ZNRF2: variants seen among roughly 807,000 people sequenced by gnomAD.
ZNRF2 encodes E3 ubiquitin-protein ligase ZNRF2.
A neutral mutation model predicts 20.4 loss-of-function variants in ZNRF2; 16 were observed. The ratio of observed to expected loss-of-function variants is 0.79; its 90% confidence interval spans 0.53 to 1.19. The LOEUF (loss-of-function observed/expected upper bound fraction) is 1.19, where lower values mean the gene tolerates loss of function less well. Among genes scored for constraint, ZNRF2 ranks in the 50% most tolerant of loss-of-function variants. The pLI is 0.00. For missense variants in ZNRF2, 363 were observed against 332.4 expected (o/e 1.09, Z -0.72); for synonymous variants, 178 against 144.9 (o/e 1.23, Z -1.64).
intron 2 of ZNRF2, among the ~76,000 whole-genome samples, chr7:30,329,878 C>T (rs1031302890): frequency 1.3e-5 from 2 of 152,198 alleles, no homozygotes; most frequent in African/African-American, 4.8e-5. Context: ...TGAGGAACCT[C>T]TGTACTGTTC....
At position 30,311,182 on chromosome 7, in the gene ZNRF2, A is replaced by T. The variant is rs532358118; in HGVS notation, c.470-12460A>T. On this transcript the variant is annotated intron_variant, in intron 1 of 4. Coordinates refer to ENST00000323037, the MANE Select transcript of ZNRF2 (RefSeq NM_147128.4). ...CTGGGTCTTGTTTTTGGCCTCTTGA[A>T]CTTGGTGCCATTCCCCTTGGAGTCA... 1.8e-4 allele frequency among the ~76,000 whole-genome samples: 27 copies of T among 152,192 alleles called. No individual in the cohort carries two copies. In the South Asian group the frequency reaches 5.4e-3, roughly 30 times the overall value.
At chr7:30,346,327 A>G (rs1297996661) in intron 2 of ZNRF2, among the ~76,000 whole-genome samples, 1 of 151,010 alleles carries the variant, frequency 6.6e-6, no homozygotes, top group African/African-American at 2.4e-5. Flanking sequence ...CTGAGTAGCT[A>G]GGATTACAAG....
chr7:30,313,389 C>T (rs1188482730), intron 1 of ZNRF2, among the ~76,000 whole-genome samples: 1 of 152,052 alleles, frequency 6.6e-6, no homozygotes, highest in Non-Finnish European at 1.5e-5. Flanking sequence ...TTACATGTGG[C>T]CTCATAGGCT....
chr7:30,300,148 CTTTTTTTTTT>C (rs11312967), intron 1 of ZNRF2, among the ~76,000 whole-genome samples: 1 of 113,024 alleles, frequency 8.8e-6, no homozygotes, highest in Non-Finnish European at 1.8e-5. Context: ...GAATACAAGT[CTTTTTTTTTT>C]TTTTTTTTTG....
chr7:30,352,205 A>G (rs1229909234), intron 2 of ZNRF2, among the ~76,000 whole-genome samples: 1 of 151,994 alleles, frequency 6.6e-6, no homozygotes, highest in Non-Finnish European at 1.5e-5. Context: ...TGAGAATGGA[A>G]ATTCATATTA....
intron 2 of ZNRF2, among the ~76,000 whole-genome samples, chr7:30,333,363 CT>C (rs1250477674): frequency 0.018 from 2,295 of 130,534 alleles, 21 homozygotes; most frequent in South Asian, 0.04. Flanking sequence ...CATATTTTGA[CT>C]TTTTTTTTTT....
chr7:30,336,402 G>C (rs1212599956), intron 2 of ZNRF2, among the ~76,000 whole-genome samples: 1 of 151,894 alleles, frequency 6.6e-6, no homozygotes, highest in African/African-American at 2.4e-5. Flanking sequence ...TTTGGTTTCA[G>C]GGAGGGCAAT....
chr7:30,324,350 A>G (rs1206632491), intron 2 of ZNRF2, among the ~76,000 whole-genome samples: 2 of 151,494 alleles, frequency 1.3e-5, no homozygotes, highest in African/African-American at 4.9e-5. Flanking sequence ...CCTGGCCAAC[A>G]TGGTGAAACC....
At chr7:30,298,261 T>C (rs1799050581) in intron 1 of ZNRF2, among the ~76,000 whole-genome samples, 1 of 152,214 alleles carries the variant, frequency 6.6e-6, no homozygotes, top group African/African-American at 2.4e-5. Flanking sequence ...TATATATGTA[T>C]GTGTATGCTT....
rs944598016 is a variant in ZNRF2, at chr7:30,366,178, A to G, written c.*166A>G. ...CAGAGATGGACAATCGTACTGGGGT[A>G]AAAAAACCCTGCTGAAGAGAGGACA... On this transcript the variant is annotated 3_prime_UTR_variant, in exon 5 of 5. Transcript: ENST00000323037. The G allele has an allele frequency of 6.6e-6, 1 of 152,484 alleles. No homozygotes were observed. The highest frequency in any genetic ancestry group is 1.5e-5 in the Non-Finnish European group (1 of 67,988). The allele number at this position is 152,484 out of a possible 1,614,324, so 9.4% of individuals were successfully genotyped here.
chr7:30,363,646 G>T (rs370435622), intron 4 of ZNRF2, among the ~76,000 whole-genome samples: 1 of 151,300 alleles, frequency 6.6e-6, no homozygotes, highest in Non-Finnish European at 1.5e-5. Flanking sequence ...TGCATTTTAC[G>T]ACTGAAAAAA....
Position 30,284,892 on chromosome 7 carries a change from C to A in ZNRF2, c.-466C>A, listed in dbSNP as rs922043028. On this transcript the variant is annotated 5_prime_UTR_variant, in exon 1 of 5. Transcript: ENST00000323037. ...GTGGCCCCGGCGGAGTCTGGGCGGGCGCCTCCCACTCAGCCGCCAGCCGCC... is the reference window on the plus strand; with the variant it reads ...GTGGCCCCGGCGGAGTCTGGGCGGGAGCCTCCCACTCAGCCGCCAGCCGCC... The A allele has an allele frequency of 5.5e-5, 13 of 238,400 alleles. No homozygotes were observed. The highest frequency in any genetic ancestry group is 9.5e-5 in the Non-Finnish European group (11 of 115,826). The allele number at this position is 238,400 out of a possible 1,614,324, so 14.8% of individuals were successfully genotyped here. A position where few individuals can be genotyped will look rare whatever the true frequency, so the allele number is the denominator to read the frequency against.
chr7:30,350,243 A>G (rs1247458557), intron 2 of ZNRF2, among the ~76,000 whole-genome samples: 1 of 152,016 alleles, frequency 6.6e-6, no homozygotes, highest in Non-Finnish European at 1.5e-5. Context: ...GAATTCACCG[A>G]ATTTCGATTT....
At chr7:30,319,805 C>T (rs572962008) in intron 1 of ZNRF2, among the ~76,000 whole-genome samples, 2 of 152,254 alleles carry the variant, frequency 1.3e-5, no homozygotes, top group South Asian at 4.1e-4. Flanking sequence ...TTAACAAGAG[C>T]AGAATGATCT....
rs1169857690 is a variant in ZNRF2, at chr7:30,285,789, C to G, written c.432C>G (p.Gly144=). ...GSPGGPRLVI[G]SLPAHLSPHM... Reference sequence around the variant, plus strand: ...CCGGCGGGCCGCGCCTGGTGATCGGCTCCTTACCAGCTCACCTCTCGCCGC... The same window carrying G: ...CCGGCGGGCCGCGCCTGGTGATCGGGTCCTTACCAGCTCACCTCTCGCCGC... Residue 144 remains glycine (G), a synonymous_variant, in exon 1 of 5, where the codon GGC becomes GGG. Transcript: ENST00000323037. The G allele has an allele frequency of 5.3e-6, 8 of 1,521,904 alleles. No homozygotes were observed. The East Asian group carries it at 1.6e-4, about 31-fold the overall frequency. The allele number at this position is 1,521,904 out of a possible 1,614,324, so 94.3% of individuals were successfully genotyped here. A position where few individuals can be genotyped will look rare whatever the true frequency, so the allele number is the denominator to read the frequency against.
At chr7:30,289,969 A>T in intron 1 of ZNRF2, 1 of 502,504 alleles carries the variant, frequency 2.0e-6, no homozygotes, top group Non-Finnish European at 4.0e-6. Context: ...TTAATGAGAT[A>T]TCAACTTTTA....
intron 1 of ZNRF2, among the ~76,000 whole-genome samples, chr7:30,302,716 G>A (rs1231732363): frequency 6.6e-6 from 1 of 152,078 alleles, no homozygotes; most frequent in East Asian, 1.9e-4. Context: ...TTTTTAAACA[G>A]AAAAGAACTG....
At chr7:30,358,978 A>T (rs545802064) in intron 3 of ZNRF2, among the ~76,000 whole-genome samples, 3 of 152,318 alleles carry the variant, frequency 2.0e-5, no homozygotes, top group East Asian at 3.9e-4. Context: ...ATGCTATATA[A>T]ATGTTGAATA....
At chr7:30,296,417 T>G (rs1799021319) in intron 1 of ZNRF2, among the ~76,000 whole-genome samples, 1 of 152,176 alleles carries the variant, frequency 6.6e-6, no homozygotes, top group African/African-American at 2.4e-5. Flanking sequence ...TAGGTCAGTG[T>G]TTTCATTAAG....
Sources: allele counts gnomAD v4.1 joint callset (sites outside exome capture counted in the v4.1 genomes callset), GRCh38; gene constraint gnomAD v4.1.1; transcripts MANE v1.5; gene names NCBI Gene and HGNC (gene_info 2026-07-23, HGNC 2026-07-21).